RRBP1: variants seen among roughly 807,000 people sequenced by gnomAD.
RRBP1 encodes ribosome binding protein 1.
In RRBP1, 94 loss-of-function variants were observed where a neutral mutation model predicts 165.2. That is an observed-to-expected ratio of 0.57 (90% CI 0.48 to 0.68). The LOEUF (loss-of-function observed/expected upper bound fraction) is 0.68. Ranked by LOEUF, RRBP1 falls within the 30% of genes least tolerant of loss-of-function variation. The pLI, the probability that RRBP1 is intolerant of heterozygous loss-of-function variation, is 0.00. For missense variants in RRBP1, 1,676 were observed against 1,763.0 expected, an observed-to-expected ratio of 0.95 and a Z score of 0.88; for synonymous variants, 680 against 714.5, an observed-to-expected ratio of 0.95 and a Z score of 0.77.
rs568449351 is a variant in RRBP1 at position 17,624,722 on chromosome 20, C to G, written c.3055-54G>C. 6.8e-6 allele frequency: 9 copies of G among 1,324,154 alleles called. No individual in the cohort carries two copies. In the South Asian group the frequency reaches 1.1e-4, roughly 17 times the overall value. 82.0% of individuals were successfully genotyped at this position (1,324,154 alleles called of 1,614,324 possible). A position where few individuals can be genotyped will look rare whatever the true frequency, so the allele number is the denominator to read the frequency against. ...AGCCTGCACTGGCAGCACGGGCTGCCTAAGCTGGTGTCAGACAGGACAGGG... is the reference window on the plus strand; with the variant it reads ...AGCCTGCACTGGCAGCACGGGCTGCGTAAGCTGGTGTCAGACAGGACAGGG... On this transcript the variant is annotated intron_variant, in intron 12 of 24. Coordinates refer to ENST00000377813, the MANE Select transcript of RRBP1 (RefSeq NM_001365613.2).
intron 2 of RRBP1, among the ~76,000 whole-genome samples, chr20:17,666,595 G>A (rs927879928): frequency 9.2e-5 from 14 of 151,974 alleles, no homozygotes; most frequent in Non-Finnish European, 1.8e-4. Flanking sequence ...GTAAGCTGTG[G>A]AAAAAAAGAC....
At chr20:17,638,228 A>G (rs571556196) in intron 5 of RRBP1, among the ~76,000 whole-genome samples, 25 of 152,318 alleles carry the variant, frequency 1.6e-4, no homozygotes, top group Admixed American at 4.6e-4. Flanking sequence ...AAGCCTCCCA[A>G]CACCAGCAGA....
rs181191633 is a variant in RRBP1 at position 17,667,296 on chromosome 20, G to A, written c.-21-6768C>T. ...TAGAGTGCTGATTTTTAACAATTTCGATACAATTTAACAACATCAATTTCA... is the reference window on the plus strand; with the variant it reads ...TAGAGTGCTGATTTTTAACAATTTCAATACAATTTAACAACATCAATTTCA... On this transcript the variant is annotated intron_variant, in intron 2 of 24. Transcript: ENST00000377813. 3.0e-4 allele frequency among the ~76,000 whole-genome samples: 46 copies of A among 152,212 alleles called. No homozygotes were observed. The South Asian group carries it at 8.5e-3, about 28-fold the overall frequency.
chr20:17,644,047 C>A (rs1343637406), intron 3 of RRBP1, among the ~76,000 whole-genome samples: 1 of 148,814 alleles, frequency 6.7e-6, no homozygotes, highest in Non-Finnish European at 1.5e-5. Context: ...GCTGAGCCCA[C>A]CTTGGGAGGA....
chr20:17,621,842 C>A lies in RRBP1; in HGVS notation c.3240+13G>T. The A allele has an allele frequency of 6.2e-7, 1 of 1,613,414 alleles. No individual in the cohort carries two copies. The highest frequency in any genetic ancestry group is 1.1e-5 in the South Asian group (1 of 91,070). ...GAACTGTGAGGTCCCCGGGAACCAC[C>A]CTCCCCTCCTACCTGTTGTGCCAAG... is the stretch of plus-strand genomic sequence containing the variant. On this transcript the variant is annotated intron_variant, in intron 14 of 24. Transcript: ENST00000377813.
In RRBP1 at chr20:17,658,852, C is replaced by T. The variant is rs577949870; in HGVS notation, c.1656G>A (p.Ser552=). ...CTACCTTTGTGCCCTGATTAGCAAC[C>T]GAATCTGCCTTTTTGCCCTGGATGG... ...GAPIQGKKAD[S]VANQGTKVEG... The change falls in exon 3 of 25, where the codon TCG becomes TCA. Residue 552 remains serine (S), a synonymous_variant. Coordinates refer to ENST00000377813, the MANE Select transcript of RRBP1 (RefSeq NM_001365613.2). 1.1e-5 allele frequency: 18 copies of T among 1,613,908 alleles called. No individual in the cohort carries two copies. Among genetic ancestry groups the T allele is most frequent in the African/African-American group, 1.1e-4 (8 of 75,034 alleles).
In RRBP1 at chr20:17,644,514, C is replaced by T. The variant is rs1008282215; in HGVS notation, c.1913-1387G>A. Among the ~76,000 whole-genome samples, 35 of 152,224 alleles carry T rather than the reference C, an allele frequency of 2.3e-4. 2 individuals are homozygous for T. The highest frequency in any genetic ancestry group is 1.5e-5 in the Non-Finnish European group (1 of 68,040). ...CAGCCTTCCTGTCTTCCCCCTCAGC[C>T]TGCAGGTGCGTGTCTACTGCCAGCA... On this transcript the variant is annotated intron_variant, in intron 3 of 24. Transcript: ENST00000377813.
rs368179898 is a variant in RRBP1, at chr20:17,660,157, G to A, written c.351C>T (p.Ile117=). ...VAPTPVQPPI[I]VAPVATVPAM... ...CTGGAACTGTGGCGACAGGAGCAACGATAATGGGGGGCTGCACTGGGGTTG... is the reference window on the plus strand; with the variant it reads ...CTGGAACTGTGGCGACAGGAGCAACAATAATGGGGGGCTGCACTGGGGTTG... Residue 117 remains isoleucine, a synonymous_variant, in exon 3 of 25, where the codon ATC becomes ATT. Coordinates refer to ENST00000377813, the MANE Select transcript of RRBP1 (RefSeq NM_001365613.2). 8.0e-5 allele frequency: 129 copies of A among 1,614,010 alleles called. No individual in the cohort carries two copies. The highest frequency in any genetic ancestry group is 1.1e-4 in the Non-Finnish European group (125 of 1,180,018).
chr20:17,636,083 G>A (rs959266423), intron 6 of RRBP1, among the ~76,000 whole-genome samples: 12 of 152,254 alleles, frequency 7.9e-5, no homozygotes, highest in Non-Finnish European at 1.8e-4. Context: ...CAGGGAGGAG[G>A]TCGCAGCCCA....
At chr20:17,623,722 A>G (rs2035958190) in intron 13 of RRBP1, among the ~76,000 whole-genome samples, 1 of 152,320 alleles carries the variant, frequency 6.6e-6, no homozygotes, top group African/African-American at 2.4e-5. Context: ...ACTTGAGGTC[A>G]GGAGTTGGAG....
rs760358674 is a variant in RRBP1 at position 17,614,834 on chromosome 20, G to A, written c.4097C>T (p.Ala1366Val). Residue 1366 changes from alanine to valine, a missense_variant, in exon 24 of 25, where the codon GCC becomes GTC. Ala to Val is a moderately conservative substitution (Grantham distance 64). This residue lies in a region of RRBP1 where 1,184 missense variants were observed against 1,167.1 expected (regional missense o/e 1.01). Coordinates refer to ENST00000377813, the MANE Select transcript of RRBP1 (RefSeq NM_001365613.2). The stretch of plus-strand genomic sequence containing the variant: ...CAGAAGCTCCTGCAGTCTCGTGGCG[G>A]CGCGCCCCAGGTCACTTGTTAACTT... ...EKKLTSDLGR[A>V]ATRLQELLKT... 4 of 1,613,814 alleles carry A rather than the reference G, an allele frequency of 2.5e-6. No homozygotes were observed. In the South Asian group the frequency reaches 4.4e-5, roughly 18 times the overall value.
At chr20:17,674,173 G>A (rs967671839) in intron 2 of RRBP1, among the ~76,000 whole-genome samples, 1 of 152,176 alleles carries the variant, frequency 6.6e-6, no homozygotes, top group Non-Finnish European at 1.5e-5. Flanking sequence ...AGTAAAATGA[G>A]TAGGTCAGAC....
chr20:17,665,382 G>GT (rs1018308745), intron 2 of RRBP1, among the ~76,000 whole-genome samples: 1 of 151,984 alleles, frequency 6.6e-6, no homozygotes, highest in East Asian at 1.9e-4. Flanking sequence ...TATTCTTTTT[G>GT]TTTTTTTGAG....
chr20:17,621,359 T>C (rs1240065855), intron 16 of RRBP1, 99 bp downstream of exon 16: 3 of 865,166 alleles, frequency 3.5e-6, no homozygotes, highest in African/African-American at 3.4e-5. Flanking sequence ...CCAGTGGGCT[T>C]TTCCAAAACA....
intron 24 of RRBP1, 93 bp from the exon 25 acceptor site, chr20:17,614,313 G>A (rs2035748992): frequency 2.4e-6 from 3 of 1,256,074 alleles, no homozygotes; most frequent in Non-Finnish European, 3.4e-6. Context: ...TCCCTCCCTG[G>A]ATTGACCCCC....
chr20:17,614,708 C>A, intron 24 of RRBP1, 29 bp downstream of exon 24: 1 of 1,607,514 alleles, frequency 6.2e-7, no homozygotes, highest in Non-Finnish European at 8.5e-7. Context: ...CTCGACTCCT[C>A]CCGCCCTGCT....
In RRBP1 at chr20:17,614,867, T is replaced by C. The variant is rs2035765238; in HGVS notation, c.4064A>G (p.Lys1355Arg). Residue 1355 changes from lysine to arginine, a missense_variant, in exon 24 of 25, where the codon AAA becomes AGA. Physicochemically the swap from Lys to Arg is conservative, Grantham distance 26. Around this residue, in one of 5 missense-constraint regions of RRBP1, gnomAD observed 1,184 missense variants for 1,167.1 expected, o/e 1.01. Transcript: ENST00000377813. ...CAGGTCACTTGTTAACTTCTTCTCT[T>C]TTTCTAGTCTCTCCTGATGGTCAGA... ...EASQLKERLE[K>R]EKKLTSDLGR... 2 of 1,613,332 alleles carry C rather than the reference T, an allele frequency of 1.2e-6. No individual in the cohort carries two copies. The highest frequency in any genetic ancestry group is 2.2e-5 in the East Asian group (1 of 44,868).
In RRBP1 at chr20:17,620,804, C is replaced by T; in HGVS notation, c.3418G>A (p.Gly1140Ser). 1.9e-6 allele frequency: 3 copies of T among 1,603,054 alleles called. No individual in the cohort carries two copies. The highest frequency in any genetic ancestry group is 1.7e-6 in the Non-Finnish European group (2 of 1,176,000). ...QYRSILAETE[G>S]MLRDLQKSVE... ...CTCTTCTGCAGGTCTCTGAGCATGC[C>T]CTCCTGGGGGGAAACCGAGGTGAGG... The change falls in exon 17 of 25, where the codon GGC becomes AGC. Residue 1140 changes from glycine to serine, a missense_variant. This residue lies in a region of RRBP1 where 1,184 missense variants were observed against 1,167.1 expected (regional missense o/e 1.01). Transcript: ENST00000377813.
chr20:17,621,452 G>T lies in RRBP1; in HGVS notation c.3414+6C>A. ...GATGCCCAGCTGACAGGTTCCCAAT[G>T]CTCACCGTCTCCGCCAGGATGCTGC... On this transcript the variant is annotated splice_donor_region_variant and intron_variant, in intron 16 of 24. Transcript: ENST00000377813. 6.2e-7 allele frequency: 1 copy of T among 1,608,812 alleles called. No individual in the cohort carries two copies.
Sources: gnomAD v4.1 joint callset for allele counts (sites outside exome capture counted in the v4.1 genomes callset) on GRCh38, gnomAD v4.1.1 for gene constraint, gnomAD v4.1.1 regional missense constraint, MANE v1.5 for transcripts, NCBI Gene and HGNC (gene_info 2026-07-23, HGNC 2026-07-21) for gene names.